Variants in TRAK1 observed in about 807,000 individuals in gnomAD.
TRAK1 encodes trafficking kinesin-binding protein 1.
A neutral mutation model predicts 92.1 loss-of-function variants in TRAK1; 33 were observed. The observed-to-expected ratio is 0.36, with a 90% CI of 0.27 to 0.48. The LOEUF is 0.48. Among genes scored for constraint, TRAK1 ranks in the 20% least tolerant of loss-of-function variants. TRAK1 has a pLI of 0.99. For missense variants in TRAK1, 1,123 were observed against 1,257.9 expected, an observed-to-expected ratio of 0.89 and a Z score of 1.62; for synonymous variants, 521 against 517.3, an observed-to-expected ratio of 1.01 and a Z score of -0.10.
chr3:42,079,443 A>G (rs1464312623), intron 1 of TRAK1, among the ~76,000 whole-genome samples: 2 of 145,620 alleles, frequency 1.4e-5, no homozygotes, highest in Middle Eastern at 3.3e-3. Context: ...TCTCCTTACA[A>G]TCTCTGAGTT....
rs565049590 is a variant in TRAK1, at chr3:42,157,107, G to A, written c.287-19707G>A. On this transcript the variant is annotated intron_variant, in intron 2 of 15. Coordinates refer to ENST00000327628, the MANE Select transcript of TRAK1 (RefSeq NM_001042646.3). Reference sequence around the variant, plus strand: ...GCGGAGGTTGCAGCAAGCAGAGATCGCACCACTGCACTCCAGCCTGGGAGA... The same window carrying A: ...GCGGAGGTTGCAGCAAGCAGAGATCACACCACTGCACTCCAGCCTGGGAGA... Among the ~76,000 whole-genome samples, 147 of 151,218 alleles carry A rather than the reference G, an allele frequency of 9.7e-4. 1 individual carries two copies. Among genetic ancestry groups the A allele is most frequent in the Middle Eastern group, 3.4e-3 (1 of 294 alleles).
intron 1 of TRAK1, among the ~76,000 whole-genome samples, chr3:42,043,299 C>T (rs1702620968): frequency 6.6e-6 from 1 of 151,902 alleles, no homozygotes; most frequent in South Asian, 2.1e-4. Context: ...TACCCGTCTC[C>T]TCCTTTTTGT....
intron 1 of TRAK1, among the ~76,000 whole-genome samples, chr3:42,078,752 C>CAAAAA (rs748321736): frequency 1.8e-4 from 9 of 49,508 alleles, no homozygotes; most frequent in African/African-American, 3.2e-4. Flanking sequence ...GATTCCATCT[C>CAAAAA]AAAAAAAAAA....
chr3:42,062,866 A>G (rs1336035300), intron 1 of TRAK1, among the ~76,000 whole-genome samples: 3 of 152,168 alleles, frequency 2.0e-5, no homozygotes, highest in African/African-American at 7.2e-5. Context: ...TCTGCACTGC[A>G]GTGAAGGCGT....
In TRAK1 at chr3:42,077,683, C is replaced by G. The variant is rs1295077052; in HGVS notation, c.-518-9421C>G. 2.0e-5 allele frequency among the ~76,000 whole-genome samples: 3 copies of G among 152,124 alleles called. No homozygotes were observed. In the East Asian group the frequency reaches 5.8e-4, roughly 29 times the overall value. On this transcript the variant is annotated intron_variant, in intron 1 of 16. Transcript: ENST00000487159. Reference sequence around the variant, plus strand: ...TTTCACCTCCCTGGTTAGCTGTATTCCTAGGTATTTTGTTCTTTTTGTGGC... The same window carrying G: ...TTTCACCTCCCTGGTTAGCTGTATTGCTAGGTATTTTGTTCTTTTTGTGGC...
intron 2 of TRAK1, chr3:42,149,149 C>T (rs748828049): frequency 7.0e-6 from 7 of 999,042 alleles, no homozygotes; most frequent in East Asian, 9.7e-5. Flanking sequence ...GAGCAGGAGA[C>T]GAGGCTTGAG....
intron 2 of TRAK1, among the ~76,000 whole-genome samples, chr3:42,165,713 A>C (rs1701776744): frequency 6.6e-6 from 1 of 152,172 alleles, no homozygotes; most frequent in South Asian, 2.1e-4. Context: ...TCAGTGTCGA[A>C]GGAGGAACTG....
rs769337319 is a variant in TRAK1, at chr3:42,189,075, A to G, written c.641A>G (p.Gln214Arg). 1 of 1,614,218 alleles carries G rather than the reference A, an allele frequency of 6.2e-7. No homozygotes were observed. Among genetic ancestry groups the G allele is most frequent in the South Asian group, 1.1e-5 (1 of 91,072 alleles). Residue 214 changes from glutamine to arginine, a missense_variant, in exon 6 of 16, where the codon CAA becomes CGA. Gln to Arg is a conservative substitution (Grantham distance 43). Transcript: ENST00000327628. ...AATTACTTTCATTTGGATTCTCTTC[A>G]AAAGAAGCTGAAAGACCTTGAAGAG... ...VQNYFHLDSL[Q>R]KKLKDLEEEN... is the part of the protein sequence containing the mutation.
chr3:42,182,001 C>T lies in TRAK1; in HGVS notation c.364-2684C>T, dbSNP rs1414965703. Among the ~76,000 whole-genome samples, 3 of 148,538 alleles carry T rather than the reference C, an allele frequency of 2.0e-5. No individual in the cohort carries two copies. In the East Asian group the frequency reaches 5.9e-4, roughly 29 times the overall value. On this transcript the variant is annotated intron_variant, in intron 3 of 15. Transcript: ENST00000327628. ...ATTTTGTGTTTTGAGATGGGGTCTCCTGTGTTGCCCAGGCTGGTCTTGAAC... is the reference window on the plus strand; with the variant it reads ...ATTTTGTGTTTTGAGATGGGGTCTCTTGTGTTGCCCAGGCTGGTCTTGAAC...
chr3:42,129,843 G>A (rs548254546), intron 2 of TRAK1, among the ~76,000 whole-genome samples: 1 of 152,116 alleles, frequency 6.6e-6, no homozygotes, highest in South Asian at 2.1e-4. Flanking sequence ...CTCTTACCCA[G>A]TATCTCAGAT....
intron 1 of TRAK1, among the ~76,000 whole-genome samples, chr3:42,029,540 C>G (rs918362705): frequency 6.6e-6 from 1 of 151,634 alleles, no homozygotes; most frequent in Non-Finnish European, 1.5e-5. Flanking sequence ...GTGTGCCCAG[C>G]CTGATAGAAT....
intron 1 of TRAK1, among the ~76,000 whole-genome samples, chr3:42,021,579 C>A (rs1701722999): frequency 6.6e-6 from 1 of 152,052 alleles, no homozygotes; most frequent in Non-Finnish European, 1.5e-5. Flanking sequence ...TAACCTCATA[C>A]AGTTATTATT....
intron 3 of TRAK1, among the ~76,000 whole-genome samples, chr3:42,180,304 A>G (rs1703825002): frequency 6.6e-6 from 1 of 152,156 alleles, no homozygotes. Flanking sequence ...ATACTTTGAT[A>G]AAGGCATATG....
In TRAK1 at chr3:42,022,309, A is replaced by G. The variant is rs544500479; in HGVS notation, c.-519+8192A>G. 3.3e-5 allele frequency among the ~76,000 whole-genome samples: 5 copies of G among 152,346 alleles called. 1 individual carries two copies. Among genetic ancestry groups the G allele is most frequent in the East Asian group, 1.9e-4 (1 of 5,194 alleles). ...TATTTGAGAAAACAAGCAGATTGTT[A>G]TTATTACAGCAGTGGATAAAAGGTG... On this transcript the variant is annotated intron_variant, in intron 1 of 16. Transcript: ENST00000487159.
At position 42,066,875 on chromosome 3, in the gene TRAK1, G is replaced by A. The variant is rs56080154; in HGVS notation, c.-518-20229G>A. Among the ~76,000 whole-genome samples, 258 of 152,274 alleles carry A rather than the reference G, an allele frequency of 1.7e-3. 2 individuals carry two copies. Among genetic ancestry groups the A allele is most frequent in the African/African-American group, 5.6e-3 (234 of 41,562 alleles). ...ATGGGGTGCCTTTTTCAGGGGCTGGGGGGAGGGATGATGTGCTCCCTTTAG... is the reference window on the plus strand; with the variant it reads ...ATGGGGTGCCTTTTTCAGGGGCTGGAGGGAGGGATGATGTGCTCCCTTTAG... On this transcript the variant is annotated intron_variant, in intron 1 of 16. Transcript: ENST00000487159.
At chr3:42,109,001 T>C (rs1707972480) in intron 1 of TRAK1, among the ~76,000 whole-genome samples, 1 of 152,128 alleles carries the variant, frequency 6.6e-6, no homozygotes, top group Non-Finnish European at 1.5e-5. Flanking sequence ...TCAGGATCTT[T>C]GGGGCCAGGG....
chr3:42,123,047 CT>C (rs1348905359), intron 1 of TRAK1, among the ~76,000 whole-genome samples: 1 of 152,022 alleles, frequency 6.6e-6, no homozygotes, highest in Non-Finnish European at 1.5e-5. Context: ...TGGAAATGCT[CT>C]ATGGCAAAGC....
intron 1 of TRAK1, among the ~76,000 whole-genome samples, chr3:42,023,961 G>A (rs532664954): frequency 6.6e-5 from 10 of 152,052 alleles, no homozygotes; most frequent in African/African-American, 2.2e-4. Context: ...CGCCATGTTG[G>A]CCAGGCTGGT....
At chr3:42,173,565 C>G (rs1702825179) in intron 2 of TRAK1, among the ~76,000 whole-genome samples, 1 of 152,180 alleles carries the variant, frequency 6.6e-6, no homozygotes, top group African/African-American at 2.4e-5. Flanking sequence ...TTTCTTTCCC[C>G]TAGGCCCAAA....
Sources: gnomAD v4.1 joint callset for allele counts (sites outside exome capture counted in the v4.1 genomes callset) on GRCh38, gnomAD v4.1.1 for gene constraint, MANE v1.5 for transcripts, NCBI Gene and HGNC (gene_info 2026-07-23, HGNC 2026-07-21) for gene names.